Variants in ZBTB20 observed in about 807,000 individuals in gnomAD.
The protein encoded by ZBTB20 is zinc finger and BTB domain containing 20.
A neutral mutation model predicts 56.9 loss-of-function variants in ZBTB20; 9 were observed. The observed-to-expected ratio is 0.16, with a 90% CI of 0.10 to 0.28. The LOEUF (loss-of-function observed/expected upper bound fraction) is 0.28. ZBTB20 is among the 10% of genes least tolerant of loss of function. The pLI is 1.00. For missense variants in ZBTB20, 655 were observed against 1,003.0 expected, an observed-to-expected ratio of 0.65 and a Z score of 4.69; for synonymous variants, 417 against 420.7, an observed-to-expected ratio of 0.99 and a Z score of 0.11.
intron 7 of ZBTB20, among the ~76,000 whole-genome samples, chr3:114,392,454 A>C (rs1478755842): frequency 6.6e-6 from 1 of 152,172 alleles, no homozygotes; most frequent in Non-Finnish European, 1.5e-5. Context: ...TAAAAATACC[A>C]CTGGGGTGAT....
At chr3:114,521,967 T>A (rs1302198503) in intron 6 of ZBTB20, among the ~76,000 whole-genome samples, 1 of 152,106 alleles carries the variant, frequency 6.6e-6, no homozygotes, top group African/African-American at 2.4e-5. Flanking sequence ...TACTGAACAC[T>A]CTCTATGTGC....
At chr3:114,439,156 A>G (rs2090741507) in intron 7 of ZBTB20, among the ~76,000 whole-genome samples, 1 of 152,142 alleles carries the variant, frequency 6.6e-6, no homozygotes, top group African/African-American at 2.4e-5. Flanking sequence ...TGGGAATTCA[A>G]ACATATTTTC....
At chr3:114,942,140 T>G (rs149775904) in intron 3 of ZBTB20, among the ~76,000 whole-genome samples, 2,375 of 146,022 alleles carry the variant, frequency 0.016, 99 homozygotes, top group Non-Finnish European at 0.025. Context: ...AGTCACAGTT[T>G]AATAAATAAT....
At chr3:114,841,004 A>G (rs1579105864) in intron 4 of ZBTB20, among the ~76,000 whole-genome samples, 1 of 152,178 alleles carries the variant, frequency 6.6e-6, no homozygotes, top group African/African-American at 2.4e-5. Flanking sequence ...TAGCTATTGT[A>G]ATTTATTTTT....
chr3:114,419,756 C>T (rs539884540), intron 7 of ZBTB20, among the ~76,000 whole-genome samples: 2 of 152,140 alleles, frequency 1.3e-5, no homozygotes, highest in African/African-American at 4.8e-5. Context: ...AACTGACATA[C>T]CAAAGAGAAT....
intron 3 of ZBTB20, among the ~76,000 whole-genome samples, chr3:114,963,130 T>C (rs1172314919): frequency 6.6e-6 from 1 of 152,144 alleles, no homozygotes; most frequent in Non-Finnish European, 1.5e-5. Flanking sequence ...ATGTTTTATT[T>C]ATGAATATAG....
intron 6 of ZBTB20, among the ~76,000 whole-genome samples, chr3:114,549,534 A>G (rs1338593790): frequency 6.6e-6 from 1 of 152,182 alleles, no homozygotes; most frequent in Non-Finnish European, 1.5e-5. Flanking sequence ...ATTCTCTACT[A>G]GCATCAATTT....
chr3:114,722,131 T>C (rs912079593), intron 5 of ZBTB20, among the ~76,000 whole-genome samples: 1 of 151,608 alleles, frequency 6.6e-6, no homozygotes, highest in Non-Finnish European at 1.5e-5. Context: ...AATAAGGGAG[T>C]GGAGGGTGTA....
intron 1 of ZBTB20, among the ~76,000 whole-genome samples, chr3:115,128,334 C>A (rs2084394461): frequency 6.6e-6 from 1 of 152,052 alleles, no homozygotes; most frequent in Admixed American, 6.6e-5. Context: ...GTAGTTGTTT[C>A]TACTAGCCTT....
intron 5 of ZBTB20, among the ~76,000 whole-genome samples, chr3:114,712,956 C>T (rs1046069036): frequency 6.6e-6 from 1 of 152,078 alleles, no homozygotes; most frequent in Non-Finnish European, 1.5e-5. Flanking sequence ...AATGGTATAA[C>T]CTGCTAAGCT....
In ZBTB20 at chr3:114,321,629, C is replaced by G. The variant is rs1203732483; in HGVS notation, c.*17376G>C. On this transcript the variant is annotated 3_prime_UTR_variant, in exon 12 of 12. Coordinates refer to ENST00000675478, the MANE Select transcript of ZBTB20 (RefSeq NM_001348800.3). ...AGAGAAAGAACTGGTAAGAGTTGAG[C>G]TCGGTAGCCAACTAGTGTGAAGTTT... 1 of 152,200 alleles carries G rather than the reference C, an allele frequency of 6.6e-6. No homozygotes were observed. The highest frequency in any genetic ancestry group is 2.4e-5 in the African/African-American group (1 of 41,436). 9.4% of individuals were successfully genotyped at this position (152,200 alleles called of 1,614,324 possible). A position where few individuals can be genotyped will look rare whatever the true frequency, so the allele number is the denominator to read the frequency against.
intron 6 of ZBTB20, among the ~76,000 whole-genome samples, chr3:114,534,442 T>C (rs1577352301): frequency 6.6e-6 from 1 of 152,142 alleles, no homozygotes; most frequent in East Asian, 1.9e-4. Context: ...GAGCTAACTG[T>C]CCTAAATATA....
intron 8 of ZBTB20, among the ~76,000 whole-genome samples, chr3:114,384,769 T>C (rs922649066): frequency 1.3e-5 from 2 of 152,220 alleles, no homozygotes; most frequent in Non-Finnish European, 2.9e-5. Flanking sequence ...ATGTTGGCTC[T>C]TTCCTAACTA....
chr3:114,343,697 T>C (rs554856049), intron 11 of ZBTB20, among the ~76,000 whole-genome samples: 2 of 152,310 alleles, frequency 1.3e-5, no homozygotes, highest in South Asian at 4.1e-4. Flanking sequence ...GATGGAATCA[T>C]ATGGAGCTTT....
Position 114,338,802 on chromosome 3 carries a change from T to G in ZBTB20, c.*203A>C, listed in dbSNP as rs889728153. The G allele has an allele frequency of 3.8e-6, 2 of 526,874 alleles. No homozygotes were observed. Among genetic ancestry groups the G allele is most frequent in the Non-Finnish European group, 6.2e-6 (2 of 324,044 alleles). The allele number at this position is 526,874 out of a possible 1,614,324, so 32.6% of individuals were successfully genotyped here. A position where few individuals can be genotyped will look rare whatever the true frequency, so the allele number is the denominator to read the frequency against. ...CCGAGGGAGACTGGGAAAACTATTA[T>G]TCACCCAAGCCTCCGGAAATGTAAT... On this transcript the variant is annotated 3_prime_UTR_variant, in exon 12 of 12. Transcript: ENST00000675478.
chr3:114,886,693 C>T (rs2076614193), intron 4 of ZBTB20, among the ~76,000 whole-genome samples: 1 of 152,072 alleles, frequency 6.6e-6, no homozygotes, highest in Admixed American at 6.5e-5. Flanking sequence ...TATTCTATGC[C>T]TCAACCTTGT....
At chr3:114,522,522 C>A (rs939684951) in intron 6 of ZBTB20, among the ~76,000 whole-genome samples, 1 of 152,136 alleles carries the variant, frequency 6.6e-6, no homozygotes, top group African/African-American at 2.4e-5. Flanking sequence ...ACATATATTG[C>A]AAAGCATCAC....
chr3:114,578,888 A>G (rs1422986480), intron 6 of ZBTB20, among the ~76,000 whole-genome samples: 1 of 151,810 alleles, frequency 6.6e-6, no homozygotes, highest in Non-Finnish European at 1.5e-5. Context: ...AGTAAATATA[A>G]TTAAGCATTG....
chr3:114,922,354 G>T (rs1355677463), intron 3 of ZBTB20, among the ~76,000 whole-genome samples: 1 of 151,928 alleles, frequency 6.6e-6, no homozygotes, highest in Non-Finnish European at 1.5e-5. Context: ...AAAAAAATTG[G>T]AAAGGAAGAA....
Sources: gnomAD v4.1 joint callset for allele counts (sites outside exome capture counted in the v4.1 genomes callset) on GRCh38, gnomAD v4.1.1 for gene constraint, MANE v1.5 for transcripts, NCBI Gene and HGNC (gene_info 2026-07-23, HGNC 2026-07-21) for gene names.